The following ENPEP variants were observed in gnomAD, a reference collection of about 807,000 sequenced individuals.
ENPEP encodes glutamyl aminopeptidase, also known as AP-A.
A neutral mutation model predicts 114.5 loss-of-function variants in ENPEP; 103 were observed. The observed-to-expected ratio is 0.90, with a 90% CI of 0.77 to 1.06. ENPEP has a LOEUF of 1.06. ENPEP is among the 50% of genes least tolerant of loss of function. The pLI is 0.00. For missense variants in ENPEP, 1,196 were observed against 1,161.3 expected (o/e 1.03, Z -0.43); for synonymous variants, 420 against 422.0 (o/e 1.00, Z 0.06).
intron 1 of ENPEP, among the ~76,000 whole-genome samples, chr4:110,481,933 C>T (rs1724325412): frequency 6.6e-6 from 1 of 151,934 alleles, no homozygotes; most frequent in African/African-American, 2.4e-5. Flanking sequence ...AAACTAAAAG[C>T]AGGCAAAAAG....
At chr4:110,556,146 C>T (rs1479692336) in intron 18 of ENPEP, among the ~76,000 whole-genome samples, 1 of 151,988 alleles carries the variant, frequency 6.6e-6, no homozygotes, top group Non-Finnish European at 1.5e-5. Flanking sequence ...TATAGAATCT[C>T]ATCAAAGCAA....
At chr4:110,558,533 C>G (rs1307191173) in intron 18 of ENPEP, among the ~76,000 whole-genome samples, 1 of 151,942 alleles carries the variant, frequency 6.6e-6, no homozygotes, top group Non-Finnish European at 1.5e-5. Context: ...GACCTCAAGC[C>G]ATCTGTCCAC....
chr4:110,481,257 CTT>C (rs202184440), intron 1 of ENPEP, among the ~76,000 whole-genome samples: 1 of 144,318 alleles, frequency 6.9e-6, no homozygotes, highest in Non-Finnish European at 1.5e-5. Context: ...TTTTCAGAGA[CTT>C]TTTTTTTTTT....
At chr4:110,487,045 C>A (rs1019633820) in intron 1 of ENPEP, among the ~76,000 whole-genome samples, 1 of 151,948 alleles carries the variant, frequency 6.6e-6, no homozygotes, top group African/African-American at 2.4e-5. Flanking sequence ...ACTGGTTGAG[C>A]CAGATACTGG....
chr4:110,518,540 T>C (rs990407539), intron 8 of ENPEP, among the ~76,000 whole-genome samples: 1 of 152,236 alleles, frequency 6.6e-6, no homozygotes, highest in Non-Finnish European at 1.5e-5. Context: ...CTAGACAATA[T>C]AAAATTAGTA....
At chr4:110,496,682 A>G (rs1227650433) in intron 3 of ENPEP, among the ~76,000 whole-genome samples, 1 of 152,136 alleles carries the variant, frequency 6.6e-6, no homozygotes, top group East Asian at 1.9e-4. Flanking sequence ...TTTTAAGAGT[A>G]CTGTTCAGGT....
At position 110,517,129 on chromosome 4, in the gene ENPEP, G is replaced by A. The variant is rs140338899; in HGVS notation, c.1509+1687G>A. ...TAATTTTTATATTTTTAGTAGAGACGGGGTGTCGCCACGTTGCCCAGGCTG... is the reference window on the plus strand; with the variant it reads ...TAATTTTTATATTTTTAGTAGAGACAGGGTGTCGCCACGTTGCCCAGGCTG... On this transcript the variant is annotated intron_variant, in intron 8 of 19. Transcript: ENST00000265162. 5.4e-3 allele frequency among the ~76,000 whole-genome samples: 827 copies of A among 152,054 alleles called. 6 individuals carry two copies. Among genetic ancestry groups the A allele is most frequent in the African/African-American group, 0.02 (811 of 41,442 alleles).
intron 18 of ENPEP, among the ~76,000 whole-genome samples, chr4:110,555,809 A>G (rs1327223990): frequency 6.6e-6 from 1 of 152,064 alleles, no homozygotes; most frequent in Non-Finnish European, 1.5e-5. Context: ...ATTGAATCCA[A>G]GAAGACAATA....
At chr4:110,500,268 T>TA (rs1725103198) in intron 3 of ENPEP, 1 of 152,212 alleles carries the variant, frequency 6.6e-6, no homozygotes, top group South Asian at 2.1e-4. Flanking sequence ...GAGCCTACAT[T>TA]ACAGCAGGCT....
chr4:110,482,498 G>C (rs1430443330), intron 1 of ENPEP, among the ~76,000 whole-genome samples: 1 of 152,162 alleles, frequency 6.6e-6, no homozygotes, highest in Non-Finnish European at 1.5e-5. Flanking sequence ...CAAGGTTAGA[G>C]CTTGTAATAA....
rs777272685 is a variant in ENPEP at position 110,531,257 on chromosome 4, T to G, written c.1787T>G (p.Phe596Cys). ...GATAATATAACAAGCAGTGTGTTAT[T>G]TAATAGGTCAGAAAAAGAAGGTAAA... The part of the protein sequence containing the change: ...TEDNITSSVL[F>C]NRSEKEGITL... The change falls in exon 11 of 20, where the codon TTT (phenylalanine) becomes TGT (cysteine). Residue 596 changes from phenylalanine (F) to cysteine (C), a missense_variant. By Grantham distance (205) the Phe-to-Cys change is radical. Coordinates refer to ENST00000265162, the MANE Select transcript of ENPEP (RefSeq NM_001977.4). 2 of 1,453,488 alleles carry G rather than the reference T, an allele frequency of 1.4e-6. No homozygotes were observed. The highest frequency in any genetic ancestry group is 1.8e-6 in the Non-Finnish European group (2 of 1,081,332). The allele number at this position is 1,453,488 out of a possible 1,614,324, so 90.0% of individuals were successfully genotyped here. A position where few individuals can be genotyped will look rare whatever the true frequency, so the allele number is the denominator to read the frequency against.
intron 18 of ENPEP, among the ~76,000 whole-genome samples, chr4:110,557,942 T>C (rs546824599): frequency 6.6e-6 from 1 of 151,816 alleles, no homozygotes; most frequent in South Asian, 2.1e-4. Flanking sequence ...TAAGGGTTCT[T>C]TATATGGCAA....
rs77652027 is a variant in ENPEP at position 110,559,729 on chromosome 4, T to C, written c.2721+4T>C. On this transcript the variant is annotated splice_donor_region_variant and intron_variant, in intron 19 of 19. Transcript: ENST00000265162. The stretch of plus-strand genomic sequence containing the variant: ...CACTGAACTGCAACTGTGGCAGGTA[T>C]GAAGATAAATTCCTCTGCATTTGTC... 8.7e-4 allele frequency: 1,404 copies of C among 1,608,756 alleles called. 10 individuals are homozygous for C. In the African/African-American group the frequency reaches 0.016, roughly 18 times the overall value.
chr4:110,509,809 T>C lies in ENPEP; in HGVS notation c.1194+2T>C. On this transcript the variant is annotated splice_donor_variant, in intron 5 of 19. Transcript: ENST00000265162. LOFTEE classifies it high-confidence loss of function. ...GTTGCCCATGAACTTGTGCATCAGG[T>C]ACAGAATCTTAGCACTGAATCAGCT... 1 of 1,611,612 alleles carries C rather than the reference T, an allele frequency of 6.2e-7. No individual in the cohort carries two copies. The highest frequency in any genetic ancestry group is 8.5e-7 in the Non-Finnish European group (1 of 1,179,404).
chr4:110,560,927 A>G (rs1047503212), intron 19 of ENPEP, among the ~76,000 whole-genome samples: 1 of 152,106 alleles, frequency 6.6e-6, no homozygotes, highest in African/African-American at 2.4e-5. Flanking sequence ...AGTTTGGGGT[A>G]GGGCTTTGGA....
Position 110,549,302 on chromosome 4 carries a change from A to G in ENPEP, c.2152-44A>G, listed in dbSNP as rs1268554205. 3 of 1,406,100 alleles carry G rather than the reference A, an allele frequency of 2.1e-6. No homozygotes were observed. The African/African-American group carries it at 4.2e-5, about 20-fold the overall frequency. 87.1% of individuals were successfully genotyped at this position (1,406,100 alleles called of 1,614,324 possible). A position where few individuals can be genotyped will look rare whatever the true frequency, so the allele number is the denominator to read the frequency against. ...GTATAATAATTGGGATACTACTGATATGTAGTAAATTGTTACTTATTGTAC... is the reference window on the plus strand; with the variant it reads ...GTATAATAATTGGGATACTACTGATGTGTAGTAAATTGTTACTTATTGTAC... On this transcript the variant is annotated intron_variant, in intron 14 of 19. Coordinates refer to ENST00000265162, the MANE Select transcript of ENPEP (RefSeq NM_001977.4).
chr4:110,477,512 A>T (rs1344991818), intron 1 of ENPEP, among the ~76,000 whole-genome samples: 1 of 148,826 alleles, frequency 6.7e-6, no homozygotes, highest in East Asian at 2.0e-4. Flanking sequence ...TATTTTGTCC[A>T]TTTTTTTTTT....
intron 3 of ENPEP, among the ~76,000 whole-genome samples, chr4:110,494,469 A>G (rs1724851424): frequency 6.6e-6 from 1 of 152,230 alleles, no homozygotes; most frequent in South Asian, 2.1e-4. Flanking sequence ...ATTCTGGTAC[A>G]TTAACCACCT....
intron 3 of ENPEP, among the ~76,000 whole-genome samples, chr4:110,494,572 C>T (rs1257487685): frequency 1.3e-5 from 2 of 152,036 alleles, no homozygotes; most frequent in African/African-American, 4.8e-5. Context: ...GACAATAGTT[C>T]CTTTATATCA....
Sources: gnomAD v4.1 joint callset for allele counts (sites outside exome capture counted in the v4.1 genomes callset) on GRCh38, gnomAD v4.1.1 for gene constraint, MANE v1.5 for transcripts, NCBI Gene and HGNC (gene_info 2026-07-23, HGNC 2026-07-21) for gene names.